The following ZNF521 variants were observed in gnomAD, a reference collection of about 807,000 sequenced individuals.
ZNF521 encodes the protein zinc finger protein 521.
A neutral mutation model predicts 105.5 loss-of-function variants in ZNF521; 14 were observed. The ratio of observed to expected loss-of-function variants is 0.13; its 90% confidence interval spans 0.09 to 0.21. The LOEUF is 0.21. ZNF521 is among the 10% of genes least tolerant of loss of function. The pLI is 1.00. For missense variants in ZNF521, 1,233 were observed against 1,629.7 expected, an observed-to-expected ratio of 0.76 and a Z score of 4.19; for synonymous variants, 635 against 606.0, an observed-to-expected ratio of 1.05 and a Z score of -0.70.
chr18:25,299,203 A>G (rs1024041694), intron 3 of ZNF521, among the ~76,000 whole-genome samples: 2 of 152,220 alleles, frequency 1.3e-5, no homozygotes, highest in African/African-American at 4.8e-5. Flanking sequence ...GGCTTGGGCC[A>G]CATGAGGTCT....
rs553193505 is a variant in ZNF521 at position 25,224,660 on chromosome 18, A to G, written c.3258T>C (p.Asn1086=). 7 of 1,614,082 alleles carry G rather than the reference A, an allele frequency of 4.3e-6. No individual in the cohort carries two copies. In the African/African-American group the frequency reaches 6.7e-5, roughly 15 times the overall value. ...CGGCACACAGACCATATGGCAGGCC[A>G]TTGATATCAAGTTTCACCAGATCTT... is the stretch of plus-strand genomic sequence containing the variant. ...SKQDLVKLDI[N]GLPYGLCAGC... The change falls in exon 4 of 8, where the codon AAT becomes AAC. Residue 1086 remains asparagine, a synonymous_variant. Coordinates refer to ENST00000361524, the MANE Select transcript of ZNF521 (RefSeq NM_015461.3).
chr18:25,304,790 T>C (rs1193939324), intron 3 of ZNF521, among the ~76,000 whole-genome samples: 2 of 152,176 alleles, frequency 1.3e-5, no homozygotes, highest in Non-Finnish European at 2.9e-5. Context: ...GAATTTACCA[T>C]CCATATTAGC....
chr18:25,195,945 A>G (rs2035895651), intron 4 of ZNF521, among the ~76,000 whole-genome samples: 1 of 151,758 alleles, frequency 6.6e-6, no homozygotes. Flanking sequence ...AAATAGAAAG[A>G]TTTGCCTGAT....
At chr18:25,193,798 C>T (rs45547934) in intron 5 of ZNF521, among the ~76,000 whole-genome samples, 5,016 of 151,794 alleles carry the variant, frequency 0.033, 119 homozygotes, top group East Asian at 0.067. Flanking sequence ...TGAGAAATCA[C>T]GAATAATATT....
At chr18:25,078,878 A>T (rs2033426373) in intron 7 of ZNF521, among the ~76,000 whole-genome samples, 1 of 152,116 alleles carries the variant, frequency 6.6e-6, no homozygotes. Context: ...GGGAGTGCAG[A>T]GGGCGGGGGA....
At chr18:25,212,955 T>C (rs2036218581) in intron 4 of ZNF521, among the ~76,000 whole-genome samples, 2 of 151,648 alleles carry the variant, frequency 1.3e-5, no homozygotes, top group African/African-American at 4.8e-5. Flanking sequence ...TCTTTGGGTG[T>C]CGTTTTACAT....
chr18:25,226,450 T>C lies in ZNF521; in HGVS notation c.1468A>G (p.Asn490Asp). The change falls in exon 4 of 8, where the codon AAC becomes GAC. Residue 490 changes from asparagine (N) to aspartate (D), a missense_variant. Physicochemically the swap from Asn to Asp is conservative, Grantham distance 23. This residue lies in a region of ZNF521 where 380 missense variants were observed against 478.0 expected (regional missense o/e 0.80). Transcript: ENST00000361524. This position sits in a 1 kb window ranked among gnomAD's most constrained non-coding sequence, Gnocchi z 4.1. ...NFCSEVVNDL[N>D]TLQEHIRCSH... ...CATCGGATGTGTTCCTGAAGAGTGT[T>C]GAGGTCGTTGACAACTTCGGAACAG... 1.9e-6 allele frequency: 3 copies of C among 1,614,150 alleles called. No homozygotes were observed. The highest frequency in any genetic ancestry group is 2.5e-6 in the Non-Finnish European group (3 of 1,180,014).
intron 2 of ZNF521, chr18:25,327,313 T>G (rs539085495): frequency 2.1e-6 from 1 of 470,294 alleles, no homozygotes; most frequent in Admixed American, 5.9e-5. Flanking sequence ...CCCAAATCAC[T>G]GCAAATGATG....
At chr18:25,343,114 T>C (rs920184478) in intron 2 of ZNF521, among the ~76,000 whole-genome samples, 1 of 152,252 alleles carries the variant, frequency 6.6e-6, no homozygotes, top group Non-Finnish European at 1.5e-5. Flanking sequence ...TGGAACTGTC[T>C]GTAATCAATG....
At position 25,092,764 on chromosome 18, in the gene ZNF521, A is replaced by G. The variant is rs115606953; in HGVS notation, c.3659-683T>C. 2.8e-3 allele frequency among the ~76,000 whole-genome samples: 430 copies of G among 152,136 alleles called. 3 individuals carry two copies. The highest frequency in any genetic ancestry group is 9.8e-3 in the African/African-American group (408 of 41,488). The stretch of plus-strand genomic sequence containing the variant: ...TCCAGGCTCACTTGACTAGCCCTGA[A>G]TTTTTCTTGGATATCTTAAGAATGA... On this transcript the variant is annotated intron_variant, in intron 5 of 7. Coordinates refer to ENST00000361524, the MANE Select transcript of ZNF521 (RefSeq NM_015461.3).
intron 3 of ZNF521, among the ~76,000 whole-genome samples, chr18:25,309,790 A>T (rs1912193764): frequency 6.6e-6 from 1 of 152,234 alleles, no homozygotes; most frequent in East Asian, 1.9e-4. Flanking sequence ...ATAAAACAGA[A>T]GAAGTTAAGT....
Position 25,225,996 on chromosome 18 carries a change from G to A in ZNF521, c.1922C>T (p.Ala641Val). ...TGEYICNQCG[A>V]KYTSLDSFQT... ...AAAGCTGTCTAGGGATGTGTACTTA[G>A]CACCACATTGATTACAGATATATTC... The change falls in exon 4 of 8, where the codon GCT (alanine) becomes GTT (valine). Residue 641 changes from alanine to valine, a missense_variant. Physicochemically the swap from Ala to Val is moderately conservative, Grantham distance 64. Coordinates refer to ENST00000361524, the MANE Select transcript of ZNF521 (RefSeq NM_015461.3). This position sits in a 1 kb window ranked among gnomAD's most constrained non-coding sequence, Gnocchi z 5.6. 1 of 1,614,178 alleles carries A rather than the reference G, an allele frequency of 6.2e-7. No individual in the cohort carries two copies. Among genetic ancestry groups the A allele is most frequent in the Non-Finnish European group, 8.5e-7 (1 of 1,180,030 alleles).
chr18:25,274,371 T>C (rs889280536), intron 3 of ZNF521, among the ~76,000 whole-genome samples: 1 of 152,208 alleles, frequency 6.6e-6, no homozygotes, highest in African/African-American at 2.4e-5. Flanking sequence ...CTGGATCTGA[T>C]GACCAAATCC....
In ZNF521 at chr18:25,184,705, G is replaced by A. The variant is rs537861766; in HGVS notation, c.3658+10455C>T. On this transcript the variant is annotated intron_variant, in intron 5 of 7. Transcript: ENST00000361524. The stretch of plus-strand genomic sequence containing the variant: ...AAGACTTGATAGTTCTATTGAAGGT[G>A]TGTCAGTTTTAATCCTAGATTTTAG... Among the ~76,000 whole-genome samples the A allele has an allele frequency of 2.0e-5, 3 of 152,294 alleles. No individual in the cohort carries two copies. The South Asian group carries it at 6.2e-4, about 32-fold the overall frequency.
At chr18:25,147,155 C>A (rs2034960094) in intron 5 of ZNF521, among the ~76,000 whole-genome samples, 1 of 151,954 alleles carries the variant, frequency 6.6e-6, no homozygotes, top group African/African-American at 2.4e-5. Context: ...AGACAATGAT[C>A]AAAAACAAAT....
intron 2 of ZNF521, among the ~76,000 whole-genome samples, chr18:25,324,082 T>C (rs112400043): frequency 2.6e-4 from 39 of 152,336 alleles, no homozygotes; most frequent in African/African-American, 8.4e-4. Context: ...CATTTCGGTA[T>C]ACCAGGATTT....
At chr18:25,322,228 G>A (rs374881631) in intron 2 of ZNF521, 41 bp from the exon 3 acceptor site, 1 of 1,592,512 alleles carries the variant, frequency 6.3e-7, no homozygotes, top group African/African-American at 1.3e-5. Context: ...TTTAAAGACA[G>A]GTTCTTTTAA....
intron 7 of ZNF521, among the ~76,000 whole-genome samples, chr18:25,079,152 C>T (rs902312394): frequency 2.0e-5 from 3 of 152,198 alleles, no homozygotes; most frequent in Non-Finnish European, 4.4e-5. Context: ...TGGCAGATGG[C>T]GCCAGTGCGT....
At chr18:25,209,554 G>T (rs929030144) in intron 4 of ZNF521, among the ~76,000 whole-genome samples, 5 of 152,174 alleles carry the variant, frequency 3.3e-5, no homozygotes, top group Non-Finnish European at 7.3e-5. Flanking sequence ...TGGATTTTGG[G>T]CAAGTAATAG....
Sources: allele counts gnomAD v4.1 joint callset (sites outside exome capture counted in the v4.1 genomes callset), GRCh38; gene constraint gnomAD v4.1.1; regional missense constraint gnomAD v4.1.1; non-coding constraint Gnocchi (gnomAD v3.1); transcripts MANE v1.5; gene names NCBI Gene and HGNC (gene_info 2026-07-23, HGNC 2026-07-21).